The following PLA2G4E variants were observed in gnomAD, a reference collection of about 807,000 sequenced individuals.
The protein encoded by PLA2G4E is cytosolic phospholipase A2 epsilon.
In PLA2G4E, 84 loss-of-function variants were observed where a neutral mutation model predicts 109.1. That is an observed-to-expected ratio of 0.77 (90% CI 0.65 to 0.92). PLA2G4E has a LOEUF of 0.92. Among genes scored for constraint, PLA2G4E ranks in the 40% least tolerant of loss-of-function variants. PLA2G4E has a pLI of 0.00. For missense variants in PLA2G4E, 1,057 were observed against 1,076.6 expected (o/e 0.98, Z 0.25); for synonymous variants, 469 against 436.1 (o/e 1.08, Z -0.94).
intron 1 of PLA2G4E, among the ~76,000 whole-genome samples, chr15:42,047,586 G>A (rs1395828114): frequency 6.6e-6 from 1 of 152,216 alleles, no homozygotes; most frequent in East Asian, 1.9e-4. Flanking sequence ...GGCATATTCA[G>A]ACCATAGCGG....
chr15:42,015,121 T>A (rs1478462579), intron 1 of PLA2G4E, among the ~76,000 whole-genome samples: 1 of 152,196 alleles, frequency 6.6e-6, no homozygotes, highest in Non-Finnish European at 1.5e-5. Flanking sequence ...TCTGGGGCAG[T>A]GGCTGTGGTT....
At chr15:42,020,859 C>G (rs1012363316) in intron 1 of PLA2G4E, among the ~76,000 whole-genome samples, 76 bp downstream of exon 1, 32 of 152,152 alleles carry the variant, frequency 2.1e-4, no homozygotes, top group Admixed American at 1.2e-3. Flanking sequence ...AGCTCCCTGC[C>G]CCTGCCCCTC....
At chr15:42,009,298 C>G (rs942336627) in intron 2 of PLA2G4E, among the ~76,000 whole-genome samples, 1 of 152,226 alleles carries the variant, frequency 6.6e-6, no homozygotes, top group Non-Finnish European at 1.5e-5. Context: ...ATCCTTGACT[C>G]TCACATTCAG....
chr15:42,000,991 A>G (rs2068412077), intron 7 of PLA2G4E, among the ~76,000 whole-genome samples, 166 bp downstream of exon 7: 1 of 152,178 alleles, frequency 6.6e-6, no homozygotes, highest in Non-Finnish European at 1.5e-5. Context: ...ATGGGAGGCC[A>G]GGGGCTCAGG....
At chr15:42,007,949 A>C in intron 2 of PLA2G4E, 84 bp from the exon 3 acceptor site, 2 of 1,441,996 alleles carry the variant, frequency 1.4e-6, no homozygotes, top group Non-Finnish European at 1.9e-6. Flanking sequence ...AGCCTCTTCC[A>C]GAGCCAGGCC....
chr15:42,018,260 C>T (rs745603969), intron 1 of PLA2G4E, among the ~76,000 whole-genome samples: 5 of 152,138 alleles, frequency 3.3e-5, no homozygotes, highest in African/African-American at 7.2e-5. Context: ...AGCAAAGCAC[C>T]GTGTCTCTGA....
intron 1 of PLA2G4E, among the ~76,000 whole-genome samples, chr15:42,018,971 C>G (rs1410647497): frequency 1.3e-5 from 2 of 152,252 alleles, no homozygotes; most frequent in African/African-American, 4.8e-5. Flanking sequence ...GGGCTGTGCT[C>G]TAGCTGCTGT....
At chr15:42,013,648 G>C in intron 2 of PLA2G4E, 37 bp downstream of exon 2, 1 of 1,457,788 alleles carries the variant, frequency 6.9e-7, no homozygotes, top group Non-Finnish European at 9.1e-7. Flanking sequence ...TCCAGATCCG[G>C]TAAGCAGAGA....
At chr15:41,992,687 C>G (rs1418447981) in intron 13 of PLA2G4E, 50 bp downstream of exon 13, 2 of 1,558,838 alleles carry the variant, frequency 1.3e-6, no homozygotes, top group Non-Finnish European at 1.8e-6. Flanking sequence ...AGAAAGAGAG[C>G]CAGGCATCAG....
intron 1 of PLA2G4E, among the ~76,000 whole-genome samples, chr15:42,018,248 C>G (rs544770868): frequency 6.6e-6 from 1 of 152,184 alleles, no homozygotes; most frequent in Non-Finnish European, 1.5e-5. Flanking sequence ...AAGATGCAAT[C>G]GAGCAAAGCA....
In PLA2G4E at chr15:42,001,143, G is replaced by T. The variant is rs994985518; in HGVS notation, c.673+14C>A. On this transcript the variant is annotated intron_variant, in intron 7 of 19. Coordinates refer to ENST00000399518, the Ensembl canonical transcript of PLA2G4E. ...CCTTGTCCCCCAGTAGGCAGAAAAG[G>T]CAAAACAGCTCACTTTTCTCCCTCT... is the stretch of plus-strand genomic sequence containing the variant. The T allele has an allele frequency of 1.2e-6, 2 of 1,610,032 alleles. No homozygotes were observed.
At chr15:41,982,085 G>C (rs945467994) in exon 20 of PLA2G4E, 1 of 152,194 alleles carries the variant, frequency 6.6e-6, no homozygotes, top group Admixed American at 6.5e-5. Context: ...TGAGTAGCAA[G>C]GATGTACATC....
chr15:42,034,080 C>T (rs1011393285), intron 1 of PLA2G4E, among the ~76,000 whole-genome samples: 1 of 152,200 alleles, frequency 6.6e-6, no homozygotes, highest in African/African-American at 2.4e-5. Flanking sequence ...CAGCAACTGT[C>T]TGCTGCAAAC....
chr15:41,999,209 C>T (rs909766622), intron 10 of PLA2G4E: 1 of 239,844 alleles, frequency 4.2e-6, no homozygotes, highest in Non-Finnish European at 8.1e-6. Flanking sequence ...AGGACACCAA[C>T]AAGAATGTGA....
chr15:42,023,430 GTT>G (rs887877260), intron 1 of PLA2G4E, among the ~76,000 whole-genome samples: 1 of 151,856 alleles, frequency 6.6e-6, no homozygotes, highest in African/African-American at 2.4e-5. Flanking sequence ...GCTATTGATG[GTT>G]TTTGAGCAGG....
At position 42,050,530 on chromosome 15, in the gene PLA2G4E, C is replaced by T. The variant is rs1348161487; in HGVS notation, c.174G>A (p.Trp58Ter). The change falls in exon 1 of 20, where the codon TGG (tryptophan) becomes TGA (stop). Residue 58 changes from tryptophan to a stop codon, truncating the protein, a stop_gained. Coordinates refer to ENST00000399518, the Ensembl canonical transcript of PLA2G4E. LOFTEE classifies it high-confidence loss of function. Reference sequence around the variant, plus strand: ...AGGAACACAGACATACCTCAGAGCCCCAAGGAGCCATAGGACAGAAAGGTG... The same window carrying T: ...AGGAACACAGACATACCTCAGAGCCTCAAGGAGCCATAGGACAGAAAGGTG... 3 of 1,550,330 alleles carry T rather than the reference C, an allele frequency of 1.9e-6. No individual in the cohort carries two copies. The highest frequency in any genetic ancestry group is 1.7e-6 in the Non-Finnish European group (2 of 1,146,892).
exon 20 of PLA2G4E, chr15:41,983,439 G>C: frequency 3.1e-6 from 1 of 319,840 alleles, no homozygotes; most frequent in East Asian, 5.6e-5. Context: ...CGAGGTTTCT[G>C]GGGGCCCAGC....
chr15:41,992,661 C>T, intron 13 of PLA2G4E, 76 bp downstream of exon 13: 1 of 1,435,586 alleles, frequency 7.0e-7, no homozygotes, highest in Non-Finnish European at 9.5e-7. Flanking sequence ...AATGGAAGTC[C>T]TGACTCCCCT....
At chr15:42,019,279 C>G (rs2068625428) in intron 1 of PLA2G4E, among the ~76,000 whole-genome samples, 1 of 152,208 alleles carries the variant, frequency 6.6e-6, no homozygotes, top group Non-Finnish European at 1.5e-5. Flanking sequence ...CCCTATACCC[C>G]AAGAATCTAG....
Sources: allele counts gnomAD v4.1 joint callset (sites outside exome capture counted in the v4.1 genomes callset), GRCh38; gene constraint gnomAD v4.1.1; transcripts MANE v1.5; gene names NCBI Gene and HGNC (gene_info 2026-07-23, HGNC 2026-07-21).